MCC: variants seen among roughly 807,000 people sequenced by gnomAD.
The protein encoded by MCC is colorectal mutant cancer protein.
A neutral mutation model predicts 116.2 loss-of-function variants in MCC; 90 were observed. The ratio of observed to expected loss-of-function variants is 0.77; its 90% confidence interval spans 0.65 to 0.92. The LOEUF (loss-of-function observed/expected upper bound fraction) is 0.92, where lower values mean the gene tolerates loss of function less well. Among genes scored for constraint, MCC ranks in the 40% least tolerant of loss-of-function variants. MCC has a pLI of 0.00. For missense variants in MCC, 1,516 were observed against 1,312.2 expected, an observed-to-expected ratio of 1.16 and a Z score of -2.40; for synonymous variants, 578 against 510.5, an observed-to-expected ratio of 1.13 and a Z score of -1.78.
chr5:113,481,292 A>G (rs960816783), intron 1 of MCC, among the ~76,000 whole-genome samples: 3 of 152,350 alleles, frequency 2.0e-5, no homozygotes, highest in Admixed American at 6.5e-5. Flanking sequence ...TTATTTTGCC[A>G]TAGTTTAATT....
intron 17 of MCC, among the ~76,000 whole-genome samples, chr5:113,035,871 C>T (rs1248092936): frequency 6.6e-6 from 1 of 152,090 alleles, no homozygotes; most frequent in East Asian, 1.9e-4. Flanking sequence ...TGGTAATCAC[C>T]ACAATGTTTA....
chr5:113,350,528 C>G (rs1768243283), intron 2 of MCC, among the ~76,000 whole-genome samples: 1 of 151,918 alleles, frequency 6.6e-6, no homozygotes, highest in Non-Finnish European at 1.5e-5. Flanking sequence ...TCACCATATA[C>G]AAAAATCAAA....
Position 113,210,916 on chromosome 5 carries a change from ACAG to A in MCC, c.628-59497_628-59495del, listed in dbSNP as rs368256024. Among the ~76,000 whole-genome samples the A allele has an allele frequency of 8.5e-4, 130 of 152,306 alleles. 1 individual carries two copies. In the Middle Eastern group the frequency reaches 0.014, roughly 16 times the overall value. On this transcript the variant is annotated intron_variant, in intron 3 of 18. Coordinates refer to ENST00000408903, the MANE Select transcript of MCC (RefSeq NM_001085377.2). ...ATCAGAAGGCATCATCATTCTAGAA[ACAG>A]CCACTTCAAGCTCTTGACCTTCCCT... is the stretch of plus-strand genomic sequence containing the variant.
At chr5:113,186,347 C>T (rs1761896671) in intron 3 of MCC, among the ~76,000 whole-genome samples, 1 of 152,112 alleles carries the variant, frequency 6.6e-6, no homozygotes, top group Non-Finnish European at 1.5e-5. Flanking sequence ...CCTTACACCC[C>T]CTCATTTGGG....
At chr5:113,321,325 T>C (rs370504682) in intron 3 of MCC, among the ~76,000 whole-genome samples, 19 of 152,214 alleles carry the variant, frequency 1.2e-4, no homozygotes, top group African/African-American at 3.4e-4. Context: ...CTCCAGGTTA[T>C]ACCATTTTAA....
intron 6 of MCC, among the ~76,000 whole-genome samples, chr5:113,105,941 G>C (rs78682605): frequency 0.024 from 3,709 of 152,288 alleles, 88 homozygotes; most frequent in East Asian, 0.08. Context: ...TGTCCCTGGG[G>C]AGCTTTTATA....
chr5:113,078,715 A>C (rs1239499425), intron 11 of MCC, among the ~76,000 whole-genome samples: 1 of 152,366 alleles, frequency 6.6e-6, no homozygotes, highest in East Asian at 1.9e-4. Flanking sequence ...CTGAATGGGC[A>C]CAAACTGGAA....
At chr5:113,196,290 G>C (rs1444674347) in intron 3 of MCC, among the ~76,000 whole-genome samples, 1 of 152,156 alleles carries the variant, frequency 6.6e-6, no homozygotes, top group African/African-American at 2.4e-5. Context: ...TCATGACCTG[G>C]GTCACAGTCA....
intron 16 of MCC, among the ~76,000 whole-genome samples, chr5:113,046,685 C>CAAAAAAAAAAA (rs151183145): frequency 2.9e-4 from 17 of 58,382 alleles, no homozygotes; most frequent in African/African-American, 7.8e-4. Context: ...ACTCAAAAGG[C>CAAAAAAAAAAA]AAAAAAAAAA....
In MCC at chr5:113,053,708, A is replaced by G. The variant is rs934518363; in HGVS notation, c.2448+17T>C. 6.3e-7 allele frequency: 1 copy of G among 1,577,510 alleles called. No homozygotes were observed. The highest frequency in any genetic ancestry group is 8.7e-7 in the Non-Finnish European group (1 of 1,148,864). Reference sequence around the variant, plus strand: ...TCCTGGTGGCAGCCTAGCACATGGGACCCACCCACCACATACCTTCATGGC... The same window carrying G: ...TCCTGGTGGCAGCCTAGCACATGGGGCCCACCCACCACATACCTTCATGGC... On this transcript the variant is annotated intron_variant, in intron 15 of 18. Transcript: ENST00000408903.
intron 2 of MCC, among the ~76,000 whole-genome samples, chr5:113,375,822 T>A (rs1581437252): frequency 1.2e-5 from 1 of 85,434 alleles, no homozygotes; most frequent in South Asian, 2.5e-4. Context: ...TCCTGTGACA[T>A]TTTATTTTCA....
At chr5:113,371,115 G>A (rs888765181) in intron 2 of MCC, among the ~76,000 whole-genome samples, 4 of 152,192 alleles carry the variant, frequency 2.6e-5, no homozygotes, top group African/African-American at 9.7e-5. Context: ...CAGCTACTTG[G>A]GTGGCTGAGA....
intron 1 of MCC, among the ~76,000 whole-genome samples, chr5:113,431,766 G>C (rs963691853): frequency 1.9e-4 from 23 of 121,398 alleles, no homozygotes; most frequent in African/African-American, 5.3e-4. Flanking sequence ...GAGGCCAAGG[G>C]GGGGGGGGGG....
chr5:113,215,118 C>T (rs1487090470), intron 3 of MCC, among the ~76,000 whole-genome samples: 2 of 152,212 alleles, frequency 1.3e-5, no homozygotes, highest in African/African-American at 4.8e-5. Context: ...TAAGTTTGGG[C>T]TCAGCTATCA....
intron 2 of MCC, among the ~76,000 whole-genome samples, chr5:113,343,944 A>T (rs1443694038): frequency 1.3e-5 from 2 of 152,144 alleles, no homozygotes; most frequent in Non-Finnish European, 2.9e-5. Flanking sequence ...ACCTACACAT[A>T]AAAAAGCACC....
chr5:113,288,149 G>C (rs1302854369), intron 3 of MCC, among the ~76,000 whole-genome samples: 1 of 152,202 alleles, frequency 6.6e-6, no homozygotes, highest in African/African-American at 2.4e-5. Context: ...TGCAAGACCT[G>C]GCTGTCAGCC....
chr5:113,482,316 T>C (rs1334379442), intron 1 of MCC, among the ~76,000 whole-genome samples: 1 of 152,228 alleles, frequency 6.6e-6, no homozygotes, highest in African/African-American at 2.4e-5. Context: ...TCTATGTTTA[T>C]GTTTTAGAGG....
chr5:113,220,150 C>T (rs1180500859), intron 3 of MCC, among the ~76,000 whole-genome samples: 5 of 76,964 alleles, frequency 6.5e-5, no homozygotes, highest in Non-Finnish European at 1.9e-4. Flanking sequence ...CTCCACCTCC[C>T]GGGTTCACGC....
chr5:113,446,367 A>G (rs369657260), intron 1 of MCC, among the ~76,000 whole-genome samples: 2 of 152,228 alleles, frequency 1.3e-5, no homozygotes, highest in South Asian at 4.1e-4. Context: ...ACAGTCTAAT[A>G]TCCAGGATCT....
Sources: allele counts gnomAD v4.1 joint callset (sites outside exome capture counted in the v4.1 genomes callset), GRCh38; gene constraint gnomAD v4.1.1; transcripts MANE v1.5; gene names NCBI Gene and HGNC (gene_info 2026-07-23, HGNC 2026-07-21).